Variants in SEMA6A observed in about 807,000 individuals in gnomAD.
SEMA6A encodes the protein semaphorin-6A.
A neutral mutation model predicts 96.8 loss-of-function variants in SEMA6A; 25 were observed. That is an observed-to-expected ratio of 0.26 (90% confidence interval 0.19 to 0.36). The LOEUF is 0.36. Ranked by LOEUF, SEMA6A falls within the 10% of genes least tolerant of loss-of-function variation. SEMA6A has a pLI of 1.00. For synonymous variants in SEMA6A, 612 were observed against 518.0 expected (o/e 1.18, Z -2.46); for missense variants, 1,363 against 1,323.1 (o/e 1.03, Z -0.47).
intron 1 of SEMA6A, among the ~76,000 whole-genome samples, chr5:116,561,748 C>T (rs970133074): frequency 6.6e-6 from 1 of 152,120 alleles, no homozygotes; most frequent in African/African-American, 2.4e-5. Flanking sequence ...TTCTTGGGAA[C>T]GGATGTGTTT....
intron 1 of SEMA6A, among the ~76,000 whole-genome samples, chr5:116,535,137 T>C (rs1213359006): frequency 1.3e-5 from 2 of 152,192 alleles, no homozygotes; most frequent in East Asian, 3.8e-4. Context: ...AGCCTGGCAA[T>C]GGACTGCTGC....
At chr5:116,473,187 C>G (rs1256177342) in intron 16 of SEMA6A, 94 bp from the exon 17 acceptor site, 2 of 1,226,544 alleles carry the variant, frequency 1.6e-6, no homozygotes, top group Admixed American at 4.1e-5. Flanking sequence ...CAGAACTATG[C>G]CAGCGTATGG....
intron 1 of SEMA6A, among the ~76,000 whole-genome samples, chr5:116,557,301 T>C (rs954687804): frequency 1.3e-5 from 2 of 152,206 alleles, no homozygotes; most frequent in Non-Finnish European, 2.9e-5. Flanking sequence ...AATCTCCACC[T>C]CCTGGGCTCA....
chr5:116,562,614 C>A, intron 1 of SEMA6A: 1 of 695,524 alleles, frequency 1.4e-6, no homozygotes, highest in Non-Finnish European at 2.7e-6. Flanking sequence ...AGCCTCTGAC[C>A]TCAGGTGGCT....
At chr5:116,529,004 CATA>C (rs954224321) in intron 1 of SEMA6A, among the ~76,000 whole-genome samples, 6 of 152,270 alleles carry the variant, frequency 3.9e-5, no homozygotes, top group African/African-American at 1.4e-4. Context: ...GTGAAACTGG[CATA>C]ATAATAAGCC....
At chr5:116,506,607 A>G (rs1580450982) in intron 1 of SEMA6A, among the ~76,000 whole-genome samples, 1 of 152,126 alleles carries the variant, frequency 6.6e-6, no homozygotes, top group Non-Finnish European at 1.5e-5. Flanking sequence ...ATTAAAGGGC[A>G]GAAATAAATA....
chr5:116,481,081 T>C (rs1756738468), intron 11 of SEMA6A, among the ~76,000 whole-genome samples: 1 of 152,112 alleles, frequency 6.6e-6, no homozygotes, highest in African/African-American at 2.4e-5. Flanking sequence ...GTCCACACTG[T>C]CTCAAGGCAC....
chr5:116,496,008 G>A (rs1757582493), intron 5 of SEMA6A: 1 of 438,248 alleles, frequency 2.3e-6, no homozygotes, highest in Non-Finnish European at 4.1e-6. Context: ...CCGGCTTTGT[G>A]TCCATAATCC....
intron 9 of SEMA6A, 161 bp from the exon 10 acceptor site, chr5:116,487,127 G>A (rs1757090725): frequency 1.7e-6 from 1 of 600,748 alleles, no homozygotes; most frequent in Non-Finnish European, 2.9e-6. Context: ...GAAAAAAAGA[G>A]GAAAACTCAG....
Position 116,502,544 on chromosome 5 carries a change from T to G in SEMA6A, c.101-217A>C, listed in dbSNP as rs1464248724. On this transcript the variant is annotated intron_variant, in intron 2 of 18. Coordinates refer to ENST00000343348, the MANE Select transcript of SEMA6A (RefSeq NM_020796.5). ...TTACACTTTCATTTCTAGATAATTA[T>G]AAGCCTGGATTTATATTTCTAAGTG... is the stretch of plus-strand genomic sequence containing the variant. 10 of 501,316 alleles carry G rather than the reference T, an allele frequency of 2.0e-5. No individual in the cohort carries two copies. The South Asian group carries it at 2.7e-4, about 13-fold the overall frequency. The allele number at this position is 501,316 out of a possible 1,614,324, so 31.1% of individuals were successfully genotyped here. A position where few individuals can be genotyped will look rare whatever the true frequency, so the allele number is the denominator to read the frequency against.
intron 1 of SEMA6A, among the ~76,000 whole-genome samples, chr5:116,513,980 A>C (rs192276679): frequency 5.5e-4 from 84 of 152,302 alleles, no homozygotes; most frequent in African/African-American, 1.9e-3. Flanking sequence ...TAATGGCTGC[A>C]TAGTATTCCA....
chr5:116,546,957 T>C (rs761374494), intron 1 of SEMA6A, among the ~76,000 whole-genome samples: 7 of 152,178 alleles, frequency 4.6e-5, no homozygotes, highest in Non-Finnish European at 1.0e-4. Context: ...TAGATTCTCA[T>C]GAAAAACAAA....
intron 18 of SEMA6A, among the ~76,000 whole-genome samples, chr5:116,458,449 C>G (rs1348040489): frequency 6.6e-6 from 1 of 152,034 alleles, no homozygotes; most frequent in African/African-American, 2.4e-5. Context: ...AGTGTCATGT[C>G]AAGTAGATGC....
intron 18 of SEMA6A, among the ~76,000 whole-genome samples, chr5:116,461,235 C>G (rs1034662217): frequency 9.2e-5 from 14 of 152,222 alleles, no homozygotes; most frequent in African/African-American, 3.1e-4. Context: ...AATTCACTAT[C>G]TCTTCGCGTT....
chr5:116,450,374 T>C (rs993685883), intron 18 of SEMA6A, among the ~76,000 whole-genome samples: 5 of 152,206 alleles, frequency 3.3e-5, no homozygotes, highest in Admixed American at 6.5e-5. Flanking sequence ...CTATTTACAA[T>C]TGACTTTGGC....
At position 116,480,217 on chromosome 5, in the gene SEMA6A, A is replaced by G. The variant is rs962255091; in HGVS notation, c.1155T>C (p.Pro385=). Reference sequence around the variant, plus strand: ...TCTTGATGAAGTTCAGGGTATCATCAGGGAACTCATTGGAGGTTGCATATC... The same window carrying G: ...TCTTGATGAAGTTCAGGGTATCATCGGGGAACTCATTGGAGGTTGCATATC... ...LERYATSNEF[P]DDTLNFIKTH... The change falls in exon 12 of 19, where the codon CCT becomes CCC. Residue 385 remains proline (P), a synonymous_variant. Transcript: ENST00000343348. 1 of 1,613,894 alleles carries G rather than the reference A, an allele frequency of 6.2e-7. No individual in the cohort carries two copies. The highest frequency in any genetic ancestry group is 1.7e-5 in the Admixed American group (1 of 60,012).
In SEMA6A at chr5:116,478,136, G is replaced by A. The variant is rs750533412; in HGVS notation, c.1446C>T (p.Val482=). The A allele has an allele frequency of 1.9e-6, 3 of 1,613,756 alleles. No homozygotes were observed. The highest frequency in any genetic ancestry group is 1.1e-5 in the South Asian group (1 of 91,074). ...GCATGCCCATGATCCTTTTGTCTTCGACTCCATCATAGCTGCATCTAATTT... is the reference window on the plus strand; with the variant it reads ...GCATGCCCATGATCCTTTTGTCTTCAACTCCATCATAGCTGCATCTAATTT... ...YNSEKCSYDG[V]EDKRIMGMQL... is the part of the protein sequence containing the mutation. Residue 482 remains valine (V), a synonymous_variant, in exon 14 of 19, where the codon GTC becomes GTT. Transcript: ENST00000343348.
At chr5:116,536,022 A>T (rs1759690751) in intron 1 of SEMA6A, among the ~76,000 whole-genome samples, 1 of 152,244 alleles carries the variant, frequency 6.6e-6, no homozygotes, top group Non-Finnish European at 1.5e-5. Context: ...AGATGCCCAC[A>T]TGGCTTTTAG....
At chr5:116,523,840 G>A (rs529544778) in intron 1 of SEMA6A, among the ~76,000 whole-genome samples, 10 of 152,056 alleles carry the variant, frequency 6.6e-5, no homozygotes, top group South Asian at 2.1e-4. Flanking sequence ...TATCGGAGCC[G>A]CTGATACAAA....
Sources: allele counts gnomAD v4.1 joint callset (sites outside exome capture counted in the v4.1 genomes callset), GRCh38; gene constraint gnomAD v4.1.1; transcripts MANE v1.5; gene names NCBI Gene and HGNC (gene_info 2026-07-23, HGNC 2026-07-21).